The following GALNT13 variants were observed in gnomAD, a reference collection of about 807,000 sequenced individuals.
The protein encoded by GALNT13 is polypeptide N-acetylgalactosaminyltransferase 13.
In GALNT13, 28 loss-of-function variants were observed where a neutral mutation model predicts 64.2. The observed-to-expected ratio is 0.44, with a 90% CI of 0.32 to 0.60. The LOEUF (loss-of-function observed/expected upper bound fraction) is 0.60, where lower values mean the gene tolerates loss of function less well. Among genes scored for constraint, GALNT13 ranks in the 20% least tolerant of loss-of-function variants. The pLI is 0.05. For missense variants in GALNT13, 577 were observed against 669.8 expected, an observed-to-expected ratio of 0.86 and a Z score of 1.53; for synonymous variants, 214 against 224.6, an observed-to-expected ratio of 0.95 and a Z score of 0.42.
chr2:154,240,776 A>T (rs1013935037), intron 4 of GALNT13, among the ~76,000 whole-genome samples: 22 of 152,160 alleles, frequency 1.4e-4, no homozygotes, highest in African/African-American at 5.1e-4. Flanking sequence ...GACTTTCTGT[A>T]TCCGGGGTTC....
At chr2:153,430,522 G>C in the GALNT13 span, among the ~76,000 whole-genome samples, 2 of 98,138 alleles carry the variant, frequency 2.0e-5, no homozygotes, top group African/African-American at 7.4e-5. Flanking sequence ...TAGATAGGTA[G>C]GTAGGGAGAG....
the GALNT13 span, among the ~76,000 whole-genome samples, chr2:153,580,101 C>T: frequency 6.6e-6 from 1 of 152,138 alleles, no homozygotes; most frequent in Non-Finnish European, 1.5e-5. Context: ...AGCTTGGATA[C>T]TCTAATTTTT....
the GALNT13 span, among the ~76,000 whole-genome samples, chr2:153,132,730 A>AT: frequency 6.6e-6 from 1 of 152,070 alleles, no homozygotes; most frequent in Admixed American, 6.6e-5. Flanking sequence ...AACTGAGTTA[A>AT]TTTTTTTAAG....
chr2:154,214,788 C>T (rs1280287861), intron 4 of GALNT13, among the ~76,000 whole-genome samples: 3 of 152,116 alleles, frequency 2.0e-5, no homozygotes, highest in Non-Finnish European at 2.9e-5. Context: ...ATAAATTACT[C>T]GGTCTCAGGC....
intron 4 of GALNT13, among the ~76,000 whole-genome samples, chr2:154,210,288 A>G (rs1687691152): frequency 6.6e-6 from 1 of 152,206 alleles, no homozygotes; most frequent in African/African-American, 2.4e-5. Flanking sequence ...ATAGTGATGC[A>G]GTGAATAAGG....
intron 3 of GALNT13, among the ~76,000 whole-genome samples, chr2:154,009,561 G>A (rs1247697511): frequency 6.7e-6 from 1 of 150,228 alleles, no homozygotes; most frequent in African/African-American, 2.5e-5. Context: ...CATGATCTCG[G>A]CTGACTGCAA....
At chr2:154,417,376 C>T (rs1223133850) in intron 11 of GALNT13, among the ~76,000 whole-genome samples, 1 of 150,372 alleles carries the variant, frequency 6.7e-6, no homozygotes, top group Non-Finnish European at 1.5e-5. Flanking sequence ...TTCTGCTCTA[C>T]TCCATCAACT....
In GALNT13 at chr2:153,995,383, C is replaced by T. The variant is rs1042773777; in HGVS notation, c.142+50744C>T. On this transcript the variant is annotated intron_variant, in intron 3 of 12. Coordinates refer to ENST00000392825, the MANE Select transcript of GALNT13 (RefSeq NM_052917.4). ...TATACATAAAAATAAATACCACTGCCTGTTCATTTTGGAACCAAAGAAGGG... is the reference window on the plus strand; with the variant it reads ...TATACATAAAAATAAATACCACTGCTTGTTCATTTTGGAACCAAAGAAGGG... Among the ~76,000 whole-genome samples, 4 of 151,992 alleles carry T rather than the reference C, an allele frequency of 2.6e-5. No homozygotes were observed. In the East Asian group the frequency reaches 7.7e-4, roughly 29 times the overall value.
the GALNT13 span, among the ~76,000 whole-genome samples, chr2:153,298,264 A>G: frequency 6.6e-6 from 1 of 152,280 alleles, no homozygotes; most frequent in South Asian, 2.1e-4. Flanking sequence ...ATTAGGGTGT[A>G]ACTGTGCAGA....
At chr2:153,279,057 G>A in the GALNT13 span, among the ~76,000 whole-genome samples, 1 of 152,194 alleles carries the variant, frequency 6.6e-6, no homozygotes, top group South Asian at 2.1e-4. Flanking sequence ...AGTTTCCCTT[G>A]GAGAGATTGT....
At chr2:154,347,968 T>A (rs1696166213) in intron 9 of GALNT13, among the ~76,000 whole-genome samples, 1 of 152,148 alleles carries the variant, frequency 6.6e-6, no homozygotes, top group African/African-American at 2.4e-5. Flanking sequence ...GAAGTGTTTT[T>A]AAAAAATCAA....
the GALNT13 span, among the ~76,000 whole-genome samples, chr2:153,254,731 G>A: frequency 6.6e-6 from 1 of 151,964 alleles, no homozygotes; most frequent in Non-Finnish European, 1.5e-5. Flanking sequence ...TATGTACCCA[G>A]TAATCATTCA....
chr2:154,245,194 T>C (rs1689716721), intron 6 of GALNT13, among the ~76,000 whole-genome samples: 1 of 152,100 alleles, frequency 6.6e-6, no homozygotes, highest in Admixed American at 6.6e-5. Flanking sequence ...TAAGCTATCA[T>C]CTAGATTATA....
At chr2:154,455,695 C>A (rs1202708939), downstream of GALNT13, among the ~76,000 whole-genome samples, 1 of 152,080 alleles carries the variant, frequency 6.6e-6, no homozygotes, top group African/African-American at 2.4e-5. Context: ...GAATGAGCAC[C>A]AGCAATGTGT....
chr2:153,563,751 G>C, the GALNT13 span, among the ~76,000 whole-genome samples: 1 of 151,310 alleles, frequency 6.6e-6, no homozygotes, highest in Non-Finnish European at 1.5e-5. Flanking sequence ...ATTCATAGAA[G>C]TTTTCCTCCC....
chr2:153,447,320 T>C, the GALNT13 span, among the ~76,000 whole-genome samples: 1 of 152,306 alleles, frequency 6.6e-6, no homozygotes, highest in Admixed American at 6.5e-5. Flanking sequence ...CTCATAGCTC[T>C]GGCCTCCAAA....
At chr2:154,369,361 A>G (rs1697553011) in intron 9 of GALNT13, among the ~76,000 whole-genome samples, 1 of 152,138 alleles carries the variant, frequency 6.6e-6, no homozygotes, top group Non-Finnish European at 1.5e-5. Flanking sequence ...CGTAATACAT[A>G]TGTGCCTGAT....
At chr2:153,659,309 C>T in the GALNT13 span, among the ~76,000 whole-genome samples, 3 of 151,964 alleles carry the variant, frequency 2.0e-5, no homozygotes, top group Non-Finnish European at 4.4e-5. Flanking sequence ...GCATATCCCC[C>T]CCATCCCTTG....
intron 4 of GALNT13, among the ~76,000 whole-genome samples, chr2:154,229,529 T>G (rs767153982): frequency 6.6e-6 from 1 of 152,092 alleles, no homozygotes; most frequent in Non-Finnish European, 1.5e-5. Flanking sequence ...TCAGTGAGTT[T>G]AATTGCCCAA....
Sources: gnomAD v4.1 joint callset for allele counts (sites outside exome capture counted in the v4.1 genomes callset) on GRCh38, gnomAD v4.1.1 for gene constraint, MANE v1.5 for transcripts, NCBI Gene and HGNC (gene_info 2026-07-23, HGNC 2026-07-21) for gene names.